KDM5A: variants seen among roughly 807,000 people sequenced by gnomAD.
KDM5A encodes lysine demethylase 5A.
KDM5A carries 42 observed loss-of-function variants against 193.5 expected under a neutral mutation model. The ratio of observed to expected loss-of-function variants is 0.22; its 90% CI spans 0.17 to 0.28. The LOEUF (loss-of-function observed/expected upper bound fraction) is 0.28. Among genes scored for constraint, KDM5A ranks in the 10% least tolerant of loss-of-function variants. The pLI, the probability that KDM5A is intolerant of heterozygous loss-of-function variation, is 1.00. For synonymous variants in KDM5A, 796 were observed against 718.1 expected (o/e 1.11, Z -1.73); for missense variants, 1,692 against 2,055.1 (o/e 0.82, Z 3.42).
chr12:362,399 T>C (rs1944304082), intron 5 of KDM5A, among the ~76,000 whole-genome samples: 1 of 152,202 alleles, frequency 6.6e-6, no homozygotes, highest in African/African-American at 2.4e-5. Context: ...TTTGAAATTA[T>C]TTTAGGTTAC....
chr12:340,471 A>G (rs543901462), intron 10 of KDM5A, among the ~76,000 whole-genome samples: 2 of 152,164 alleles, frequency 1.3e-5, no homozygotes, highest in East Asian at 1.9e-4. Context: ...CAAGGCGGGC[A>G]AATCATGAGG....
intron 10 of KDM5A, among the ~76,000 whole-genome samples, chr12:344,132 T>C (rs1006149200): frequency 1.3e-5 from 2 of 152,148 alleles, no homozygotes; most frequent in African/African-American, 4.8e-5. Flanking sequence ...CAAGCTTCAA[T>C]AGCCAATTTG....
At chr12:384,177 A>G (rs1944611684) in intron 2 of KDM5A, 24 bp from the exon 3 acceptor site, 19 of 1,548,010 alleles carry the variant, frequency 1.2e-5, no homozygotes, top group Non-Finnish European at 1.7e-5. Context: ...AATACAGAAG[A>G]ACTAAGTTAT....
chr12:351,915 C>T (rs1191473937), intron 9 of KDM5A, among the ~76,000 whole-genome samples: 1 of 151,938 alleles, frequency 6.6e-6, no homozygotes, highest in Non-Finnish European at 1.5e-5. Context: ...ACCAGCCTGA[C>T]CAATATGGTG....
chr12:347,563 A>G (rs1449962756), intron 10 of KDM5A, among the ~76,000 whole-genome samples: 5 of 152,228 alleles, frequency 3.3e-5, no homozygotes, highest in Admixed American at 6.5e-5. Flanking sequence ...ACCAAAACAG[A>G]GACATAGACC....
intron 10 of KDM5A, among the ~76,000 whole-genome samples, chr12:348,437 T>C (rs902860299): frequency 2.6e-5 from 4 of 152,228 alleles, no homozygotes; most frequent in Non-Finnish European, 5.9e-5. Flanking sequence ...TTACAAATCA[T>C]GCTACTGTAA....
chr12:354,335 A>G (rs2137454949), intron 7 of KDM5A, 101 bp from the exon 8 acceptor site: 2 of 780,428 alleles, frequency 2.6e-6, no homozygotes, highest in Non-Finnish European at 4.2e-6. Flanking sequence ...GCAACTGAAA[A>G]GTAAACATAA....
chr12:354,121 A>T lies in KDM5A; in HGVS notation c.984T>A (p.Pro328=), dbSNP rs753111221. Residue 328 remains proline, a synonymous_variant, in exon 8 of 28, where the codon CCT becomes CCA. Transcript: ENST00000399788. ...ACCTCCAGTCTCCTTTGGGCACATC[A>T]GGTAGTGGAGGAATTAGACAAAATG... ...YHTFCLIPPL[P]DVPKGDWRCP... is the part of the protein sequence containing the mutation. The T allele has an allele frequency of 1.3e-5, 21 of 1,613,722 alleles. No homozygotes were observed. The highest frequency in any genetic ancestry group is 1.8e-5 in the Non-Finnish European group (21 of 1,179,634).
At chr12:387,719 C>T (rs931099226) in intron 1 of KDM5A, among the ~76,000 whole-genome samples, 2 of 152,158 alleles carry the variant, frequency 1.3e-5, no homozygotes, top group African/African-American at 4.8e-5. Context: ...AGATTAGCCT[C>T]ATCTGTAAAA....
At chr12:298,945 A>C (rs907745479) in intron 24 of KDM5A, among the ~76,000 whole-genome samples, 1 of 151,814 alleles carries the variant, frequency 6.6e-6, no homozygotes, top group East Asian at 2.0e-4. Context: ...AGAAGAAAGG[A>C]TATCAGAGAT....
chr12:287,038 T>C (rs1288414147), intron 27 of KDM5A, among the ~76,000 whole-genome samples: 1 of 152,116 alleles, frequency 6.6e-6, no homozygotes, highest in African/African-American at 2.4e-5. Context: ...TCCAATGAAA[T>C]AATGTATGGC....
rs1373554614 is a variant in KDM5A at position 323,641 on chromosome 12, T to C, written c.2109A>G (p.Pro703=). ...NPERLVCLYH[P]TDLCPCPMQK... is the part of the protein sequence containing the mutation. The stretch of plus-strand genomic sequence containing the variant: ...GCATGGGGCAGGGGCACAGATCAGT[T>C]GGATGGTAGAGACATACAAGCCGCT... Residue 703 remains proline, a synonymous_variant, in exon 15 of 28, where the codon CCA becomes CCG. Transcript: ENST00000399788. The C allele has an allele frequency of 1.2e-6, 2 of 1,614,058 alleles. No homozygotes were observed. The highest frequency in any genetic ancestry group is 1.7e-6 in the Non-Finnish European group (2 of 1,180,040).
rs376128815 is a variant in KDM5A, at chr12:323,123, C to A, written c.2234G>T (p.Arg745Leu). ...RAQSYDTWVS[R>L]VTEALSANFN... ...GTTAGCAGACAATGCTTCTGTAACA[C>A]GACTGACCCAAGTGTCATAGGACTG... The change falls in exon 16 of 28, where the codon CGT becomes CTT. Residue 745 changes from arginine to leucine, a missense_variant. Coordinates refer to ENST00000399788, the MANE Select transcript of KDM5A (RefSeq NM_001042603.3). The A allele has an allele frequency of 3.8e-6, 6 of 1,573,390 alleles. No individual in the cohort carries two copies. Among genetic ancestry groups the A allele is most frequent in the Non-Finnish European group, 5.2e-6 (6 of 1,158,896 alleles).
chr12:327,111 A>G (rs375187166), intron 14 of KDM5A, among the ~76,000 whole-genome samples: 4 of 152,294 alleles, frequency 2.6e-5, no homozygotes, highest in East Asian at 1.9e-4. Flanking sequence ...GGGCAGGGAT[A>G]AGTAACTGGA....
At chr12:340,076 A>C (rs1943981404) in intron 10 of KDM5A, among the ~76,000 whole-genome samples, 1 of 151,954 alleles carries the variant, frequency 6.6e-6, no homozygotes, top group South Asian at 2.1e-4. Flanking sequence ...GGGTTTCACC[A>C]TGTTGCTCCC....
rs1943529570 is a variant in KDM5A, at chr12:307,799, A to G, written c.3585T>C (p.Ser1195=). ...GCCAGCTGGATCCTTTTTTTTGGGA[A>G]CTTGATTTAGGAAGAGGAACACAGC... is the stretch of plus-strand genomic sequence containing the variant. ...HNSCVPLPKS[S]SQKKGSSWQA... Residue 1195 remains serine, a synonymous_variant, in exon 23 of 28, where the codon AGT becomes AGC. Transcript: ENST00000399788. This position sits in a 1 kb window ranked among gnomAD's most constrained non-coding sequence, Gnocchi z 4.3. 8.7e-6 allele frequency: 14 copies of G among 1,614,028 alleles called. No homozygotes were observed. In the East Asian group the frequency reaches 3.1e-4, roughly 36 times the overall value.
chr12:338,709 T>C (rs1282681015), intron 10 of KDM5A, among the ~76,000 whole-genome samples: 4 of 152,144 alleles, frequency 2.6e-5, no homozygotes, highest in Admixed American at 2.6e-4. Context: ...AGAATGGCTG[T>C]AGTGGGAATG....
At chr12:354,635 C>G (rs1944208619) in intron 7 of KDM5A, among the ~76,000 whole-genome samples, 1 of 151,962 alleles carries the variant, frequency 6.6e-6, no homozygotes, top group Non-Finnish European at 1.5e-5. Flanking sequence ...GGCATGGTGG[C>G]AGGTGCCTGT....
intron 14 of KDM5A, among the ~76,000 whole-genome samples, chr12:327,032 A>G (rs1943798636): frequency 6.6e-6 from 1 of 152,194 alleles, no homozygotes; most frequent in African/African-American, 2.4e-5. Flanking sequence ...AAACCACTGA[A>G]GATTCTTAGT....
Sources: gnomAD v4.1 joint callset for allele counts (sites outside exome capture counted in the v4.1 genomes callset) on GRCh38, gnomAD v4.1.1 for gene constraint, Gnocchi (gnomAD v3.1) non-coding constraint, MANE v1.5 for transcripts, NCBI Gene and HGNC (gene_info 2026-07-23, HGNC 2026-07-21) for gene names.